Variants in ZDHHC7 observed in about 807,000 individuals in gnomAD.
ZDHHC7 encodes the protein palmitoyltransferase ZDHHC7.
Under a neutral mutation model 34.1 loss-of-function variants are expected in ZDHHC7, and 12 were observed. The observed-to-expected ratio is 0.35, with a 90% CI of 0.23 to 0.57. The LOEUF (loss-of-function observed/expected upper bound fraction) is 0.57, where lower values mean the gene tolerates loss of function less well. Ranked by LOEUF, ZDHHC7 falls within the 20% of genes least tolerant of loss-of-function variation. The pLI is 0.84. For synonymous variants in ZDHHC7, 185 were observed against 155.4 expected, an observed-to-expected ratio of 1.19 and a Z score of -1.42; for missense variants, 388 against 402.7, an observed-to-expected ratio of 0.96 and a Z score of 0.31.
At chr16:84,986,936 C>G (rs943172173) in intron 3 of ZDHHC7, among the ~76,000 whole-genome samples, 1 of 152,194 alleles carries the variant, frequency 6.6e-6, no homozygotes, top group African/African-American at 2.4e-5. Flanking sequence ...ACTGGGAGAA[C>G]AGAGGTGACA....
In ZDHHC7 at chr16:84,977,238, G is replaced by T. The variant is rs761079233; in HGVS notation, c.620-13C>A. Reference sequence around the variant, plus strand: ...AAATCACTGCATTCTGCGGACAAGAGGAAGTTGGTTATAACTGGTCCTGAA... The same window carrying T: ...AAATCACTGCATTCTGCGGACAAGATGAAGTTGGTTATAACTGGTCCTGAA... On this transcript the variant is annotated splice_polypyrimidine_tract_variant and intron_variant, in intron 6 of 7. Coordinates refer to ENST00000313732, the MANE Select transcript of ZDHHC7 (RefSeq NM_017740.3). 1 of 1,613,922 alleles carries T rather than the reference G, an allele frequency of 6.2e-7. No homozygotes were observed. The highest frequency in any genetic ancestry group is 8.5e-7 in the Non-Finnish European group (1 of 1,179,866).
upstream of ZDHHC7, among the ~76,000 whole-genome samples, chr16:85,015,186 G>A (rs956365996): frequency 2.0e-5 from 3 of 150,582 alleles, no homozygotes; most frequent in African/African-American, 4.9e-5. Context: ...TGCAACCTCC[G>A]CGTCCCAGGT....
rs200510722 is a variant in ZDHHC7 at position 84,978,880 on chromosome 16, AAAAAG to A, written c.537+304_537+308del. ...TCCATCTCAAAAAAAAAAAAAAGAAAAAAAGAAAAGAAAAAGGAAATAAACTCTAA... is the reference window on the plus strand; with the variant it reads ...TCCATCTCAAAAAAAAAAAAAAGAAAAAAAGAAAAAGGAAATAAACTCTAA... On this transcript the variant is annotated intron_variant, in intron 5 of 7. Transcript: ENST00000313732. Among the ~76,000 whole-genome samples, 543 of 152,014 alleles carry A rather than the reference AAAAAG, an allele frequency of 3.6e-3. 4 individuals are homozygous for A. Among genetic ancestry groups the A allele is most frequent in the African/African-American group, 0.012 (500 of 41,472 alleles).
chr16:84,998,582 G>A (rs1399835433), intron 1 of ZDHHC7, among the ~76,000 whole-genome samples: 3 of 152,166 alleles, frequency 2.0e-5, no homozygotes, highest in African/African-American at 7.2e-5. Flanking sequence ...GCCCTAGTGT[G>A]CCAAGCCTCC....
At chr16:85,018,501 G>A in the ZDHHC7 span, among the ~76,000 whole-genome samples, 1 of 151,318 alleles carries the variant, frequency 6.6e-6, no homozygotes. Flanking sequence ...AGGCTAGAGT[G>A]CAATGGCACG....
intron 1 of ZDHHC7, among the ~76,000 whole-genome samples, chr16:85,002,203 A>C (rs1253275221): frequency 6.6e-6 from 1 of 152,186 alleles, no homozygotes; most frequent in African/African-American, 2.4e-5. Context: ...CACGAGTCCG[A>C]GGAATGCCTG....
intron 3 of ZDHHC7, chr16:84,988,809 A>G (rs2072470941): frequency 6.4e-7 from 1 of 1,551,800 alleles, no homozygotes; most frequent in Non-Finnish European, 8.7e-7. Flanking sequence ...ACAAATGCCC[A>G]CAAGGGTTGG....
At chr16:85,002,201 C>T (rs1187647115) in intron 1 of ZDHHC7, among the ~76,000 whole-genome samples, 2 of 152,156 alleles carry the variant, frequency 1.3e-5, no homozygotes, top group East Asian at 1.9e-4. Flanking sequence ...GCCACGAGTC[C>T]GAGGAATGCC....
At chr16:84,989,426 T>C (rs531135015) in intron 3 of ZDHHC7, among the ~76,000 whole-genome samples, 4 of 152,356 alleles carry the variant, frequency 2.6e-5, no homozygotes, top group East Asian at 3.9e-4. Flanking sequence ...TCAGGCGCGA[T>C]GGCTCATGCC....
At chr16:84,978,175 C>T in intron 5 of ZDHHC7, 170 bp from the exon 6 acceptor site, 1 of 509,542 alleles carries the variant, frequency 2.0e-6, no homozygotes. Flanking sequence ...GTAGCTGAGA[C>T]TACAAGCACC....
rs747491277 is a variant in ZDHHC7, at chr16:84,977,993, G to C, written c.550C>G (p.Leu184Val). ...AGGATCAGAGCATGGACTGAAGACA[G>C]AGCTATATACATCTAGAATGAGGGG... Reference protein sequence around the residue: ...FFVLFTMYIALSSVHALILCG... With the variant: ...FFVLFTMYIAVSSVHALILCG... The change falls in exon 6 of 8, where the codon CTG becomes GTG. Residue 184 changes from leucine to valine, a missense_variant. Transcript: ENST00000313732. 59 of 1,612,946 alleles carry C rather than the reference G, an allele frequency of 3.7e-5. No individual in the cohort carries two copies. The highest frequency in any genetic ancestry group is 4.8e-5 in the Non-Finnish European group (57 of 1,179,334).
chr16:85,012,032 A>G (rs2072801617), upstream of ZDHHC7, among the ~76,000 whole-genome samples: 1 of 152,236 alleles, frequency 6.6e-6, no homozygotes, highest in South Asian at 2.1e-4. Context: ...CTTGGACACT[A>G]GAGCACCGCC....
intron 1 of ZDHHC7, among the ~76,000 whole-genome samples, chr16:84,996,266 G>T (rs995825643): frequency 6.6e-6 from 1 of 152,124 alleles, no homozygotes; most frequent in Admixed American, 6.5e-5. Context: ...GTTAAATACA[G>T]ATCTATAAGC....
intron 1 of ZDHHC7, among the ~76,000 whole-genome samples, chr16:85,006,126 G>A (rs6564093): frequency 0.29 from 44,676 of 152,080 alleles, 6,861 homozygotes; most frequent in African/African-American, 0.38. Context: ...TGCTTTGAGA[G>A]GCAAAGGCAG....
At chr16:85,015,371 G>A (rs2072829877), upstream of ZDHHC7, among the ~76,000 whole-genome samples, 1 of 152,088 alleles carries the variant, frequency 6.6e-6, no homozygotes, top group Admixed American at 6.6e-5. Flanking sequence ...AAAGTGCTGG[G>A]ATTACAGATG....
chr16:84,999,911 C>T (rs1434424229), intron 1 of ZDHHC7, among the ~76,000 whole-genome samples: 1 of 152,126 alleles, frequency 6.6e-6, no homozygotes. Flanking sequence ...CTTTGGGAGT[C>T]CAAGGCAGGA....
intron 1 of ZDHHC7, among the ~76,000 whole-genome samples, chr16:84,996,654 C>T (rs1474820732): frequency 6.6e-6 from 1 of 152,184 alleles, no homozygotes; most frequent in Non-Finnish European, 1.5e-5. Flanking sequence ...CACTGTCAGA[C>T]CTCCCTAAGT....
chr16:84,990,322 T>C lies in ZDHHC7; in HGVS notation c.297A>G (p.Arg99=). 6.2e-7 allele frequency: 1 copy of C among 1,613,840 alleles called. No individual in the cohort carries two copies. Among genetic ancestry groups the C allele is most frequent in the South Asian group, 1.1e-5 (1 of 91,062 alleles). The part of the protein sequence containing the change: ...LAVLALSSHL[R]TMLTDPGAVP... ...TACTCACAGGGTCGGTGAGCATGGT[T>C]CTCAGGTGGGATGACAGGGCAAGCA... The change falls in exon 3 of 8, where the codon AGA becomes AGG. Residue 99 remains arginine (R), a synonymous_variant. Coordinates refer to ENST00000313732, the MANE Select transcript of ZDHHC7 (RefSeq NM_017740.3).
At chr16:85,000,413 A>G (rs1294448908) in intron 1 of ZDHHC7, among the ~76,000 whole-genome samples, 1 of 152,160 alleles carries the variant, frequency 6.6e-6, no homozygotes, top group African/African-American at 2.4e-5. Context: ...CCTTGGCTAT[A>G]AACAGAAAAT....
Sources: allele counts gnomAD v4.1 joint callset (sites outside exome capture counted in the v4.1 genomes callset), GRCh38; gene constraint gnomAD v4.1.1; transcripts MANE v1.5; gene names NCBI Gene and HGNC (gene_info 2026-07-23, HGNC 2026-07-21).